Variants in ENTPD4 observed in about 807,000 individuals in gnomAD.
ENTPD4 encodes the protein Golgi UDPase.
ENTPD4 carries 60 observed loss-of-function variants against 79.1 expected under a neutral mutation model. That is an observed-to-expected ratio of 0.76 (90% CI 0.62 to 0.94). The LOEUF (loss-of-function observed/expected upper bound fraction) is 0.94. Among genes scored for constraint, ENTPD4 ranks in the 40% least tolerant of loss-of-function variants. The probability of loss-of-function intolerance (pLI) is 0.00; values close to 1 mark genes in which losing one functional copy is unlikely to be tolerated. For synonymous variants in ENTPD4, 276 were observed against 292.0 expected, an observed-to-expected ratio of 0.95 and a Z score of 0.56; for missense variants, 772 against 775.1, an observed-to-expected ratio of 1.00 and a Z score of 0.05.
intron 3 of ENTPD4, 36 bp from the exon 4 acceptor site, chr8:23,447,921 A>G: frequency 6.5e-7 from 1 of 1,547,080 alleles, no homozygotes; most frequent in South Asian, 1.1e-5. Flanking sequence ...TGATTTAGAC[A>G]AAGAATATCA....
At chr8:23,450,583 C>T (rs1188689654) in intron 1 of ENTPD4, among the ~76,000 whole-genome samples, 1 of 152,212 alleles carries the variant, frequency 6.6e-6, no homozygotes, top group East Asian at 1.9e-4. Context: ...GCTGCTTGAC[C>T]TCTCAAGACA....
At position 23,430,459 on chromosome 8, in the gene ENTPD4, T is replaced by C; in HGVS notation, c.*2467A>G. 3 of 985,490 alleles carry C rather than the reference T, an allele frequency of 3.0e-6. No homozygotes were observed. The highest frequency in any genetic ancestry group is 3.6e-6 in the Non-Finnish European group (3 of 829,942). 61.0% of individuals were successfully genotyped at this position (985,490 alleles called of 1,614,324 possible). On this transcript the variant is annotated 3_prime_UTR_variant, in exon 13 of 13. Transcript: ENST00000358689. ...CTACATTCCTGATTTAAGAGGATGC[T>C]TCTGTCTGTATCCTTTTTTGAACTG...
chr8:23,447,976 T>C, intron 3 of ENTPD4, 91 bp from the exon 4 acceptor site: 3 of 1,011,230 alleles, frequency 3.0e-6, no homozygotes, highest in Non-Finnish European at 4.7e-6. Flanking sequence ...AAGTCAGTAA[T>C]TTCTAAGCTA....
At chr8:23,442,202 G>C in intron 6 of ENTPD4, 136 bp from the exon 7 acceptor site, 2 of 603,248 alleles carry the variant, frequency 3.3e-6, no homozygotes, top group Non-Finnish European at 5.8e-6. Context: ...ATAACACCTT[G>C]CTACTGATGT....
chr8:23,447,124 T>C (rs374767716), intron 4 of ENTPD4, among the ~76,000 whole-genome samples: 2 of 152,182 alleles, frequency 1.3e-5, no homozygotes, highest in Admixed American at 6.5e-5. Context: ...CTGATGTAAA[T>C]TACCTAATAA....
chr8:23,445,818 G>T (rs915680266), intron 4 of ENTPD4, among the ~76,000 whole-genome samples: 2 of 152,166 alleles, frequency 1.3e-5, no homozygotes, highest in African/African-American at 4.8e-5. Context: ...CTAGCAAATG[G>T]CAGGTGCCCA....
At chr8:23,434,666 A>G (rs576537228) in intron 11 of ENTPD4, 188 bp from the exon 12 acceptor site, 3 of 1,424,690 alleles carry the variant, frequency 2.1e-6, no homozygotes, top group African/African-American at 1.4e-5. Flanking sequence ...TGGTCCCACA[A>G]CATGGAGCAG....
chr8:23,448,441 G>A (rs924962253), intron 3 of ENTPD4, among the ~76,000 whole-genome samples: 1 of 152,180 alleles, frequency 6.6e-6, no homozygotes, highest in African/African-American at 2.4e-5. Context: ...TTAGGAGGTG[G>A]GGCCTCAGGG....
chr8:23,439,930 A>C lies in ENTPD4; in HGVS notation c.883-15T>G. Reference sequence around the variant, plus strand: ...GCTACTTCTTCCTGCAGACATAAGCATAACAAACCTTAATAGCTTAAGCTA... The same window carrying C: ...GCTACTTCTTCCTGCAGACATAAGCCTAACAAACCTTAATAGCTTAAGCTA... On this transcript the variant is annotated splice_polypyrimidine_tract_variant and intron_variant, in intron 8 of 12. Transcript: ENST00000358689. 1 of 1,611,800 alleles carries C rather than the reference A, an allele frequency of 6.2e-7. No homozygotes were observed. The highest frequency in any genetic ancestry group is 8.5e-7 in the Non-Finnish European group (1 of 1,177,918).
At chr8:23,442,174 C>A in intron 6 of ENTPD4, 108 bp from the exon 7 acceptor site, 3 of 705,840 alleles carry the variant, frequency 4.3e-6, no homozygotes, top group Non-Finnish European at 7.2e-6. Context: ...TCCCTGATAA[C>A]CTGTAAAATC....
In ENTPD4 at chr8:23,430,212, T is replaced by C. The variant is rs2117267840; in HGVS notation, c.*2714A>G. On this transcript the variant is annotated 3_prime_UTR_variant, in exon 13 of 13. Transcript: ENST00000358689. Reference sequence around the variant, plus strand: ...CGCGAGACCTTCTCTGGAATGTGATTTGCTGCGACTGCAGACATCTCCATA... The same window carrying C: ...CGCGAGACCTTCTCTGGAATGTGATCTGCTGCGACTGCAGACATCTCCATA... 1 of 985,474 alleles carries C rather than the reference T, an allele frequency of 1.0e-6. No individual in the cohort carries two copies. The highest frequency in any genetic ancestry group is 1.7e-5 in the African/African-American group (1 of 57,374). 61.0% of individuals were successfully genotyped at this position (985,474 alleles called of 1,614,324 possible).
At position 23,434,329 on chromosome 8, in the gene ENTPD4, A is replaced by G; in HGVS notation, c.1610T>C (p.Phe537Ser). 6.2e-7 allele frequency: 1 copy of G among 1,614,094 alleles called. No homozygotes were observed. Among genetic ancestry groups the G allele is most frequent in the South Asian group, 1.1e-5 (1 of 91,090 alleles). Residue 537 changes from phenylalanine (F) to serine (S), a missense_variant, in exon 12 of 13, where the codon TTT becomes TCT. Physicochemically the swap from Phe to Ser is radical, Grantham distance 155. Coordinates refer to ENST00000358689, the MANE Select transcript of ENTPD4 (RefSeq NM_004901.5). ...TTCACAGCCCTACCTTAATGGTAGA[A>G]AGCGGGTCCTGTAGAGGATGGCTCC... ...TLGAILYRTR[F>S]LPLRDIQQEA...
Position 23,441,667 on chromosome 8 carries a change from C to A in ENTPD4, c.784G>T (p.Val262Phe), listed in dbSNP as rs1241977198. Residue 262 changes from valine (V) to phenylalanine (F), a missense_variant, in exon 8 of 13, where the codon GTC becomes TTC. Coordinates refer to ENST00000358689, the MANE Select transcript of ENTPD4 (RefSeq NM_004901.5). ...IPGSESSEAI[V>F]RKRTAGILDM... ...AGAATGCCCGCTGTCCTTTTACGGA[C>A]AATGGCTTCGCTGCTTTCACTTCCA... The A allele has an allele frequency of 6.2e-7, 1 of 1,614,052 alleles. No individual in the cohort carries two copies. Among genetic ancestry groups the A allele is most frequent in the Admixed American group, 1.7e-5 (1 of 60,010 alleles).
chr8:23,447,806 C>A lies in ENTPD4; in HGVS notation c.286G>T (p.Gly96Cys). The A allele has an allele frequency of 3.1e-6, 5 of 1,614,150 alleles. No individual in the cohort carries two copies. Among genetic ancestry groups the A allele is most frequent in the Non-Finnish European group, 4.2e-6 (5 of 1,179,990 alleles). ...ACAAATACTCGAGACCCACTGCTACCACAGTCCACCACGATCCCATAGTTC... is the reference window on the plus strand; with the variant it reads ...ACAAATACTCGAGACCCACTGCTACAACAGTCCACCACGATCCCATAGTTC... ...NVNYGIVVDCGSSGSRVFVYC... is the reference protein window; with the variant it reads ...NVNYGIVVDCCSSGSRVFVYC... Residue 96 changes from glycine (G) to cysteine (C), a missense_variant, in exon 4 of 13, where the codon GGT (glycine) becomes TGT (cysteine). By Grantham distance (159) the Gly-to-Cys change is radical. Coordinates refer to ENST00000358689, the MANE Select transcript of ENTPD4 (RefSeq NM_004901.5).
In ENTPD4 at chr8:23,441,611, C is replaced by T. The variant is rs368114543; in HGVS notation, c.840G>A (p.Ala280=). Residue 280 remains alanine (A), a synonymous_variant, in exon 8 of 13, where the codon GCG becomes GCA. Transcript: ENST00000358689. ...AGCTTACAGTTTTGGGGACTTCGTA[C>T]GCTATCTGAGTCGACACGCCGCCCA... is the stretch of plus-strand genomic sequence containing the variant. The part of the protein sequence containing the change: ...LDMGGVSTQI[A]YEVPKTVSFA... 19 of 1,614,216 alleles carry T rather than the reference C, an allele frequency of 1.2e-5. 1 individual carries two copies. In the South Asian group the frequency reaches 1.3e-4, roughly 11 times the overall value.
intron 4 of ENTPD4, 133 bp from the exon 5 acceptor site, chr8:23,444,739 ACTT>A (rs1213380381): frequency 2.3e-5 from 17 of 728,778 alleles, no homozygotes; most frequent in Middle Eastern, 7.7e-4. Context: ...CCTTCTAGCA[ACTT>A]CTTCTGCAGA....
rs1554488211 is a variant in ENTPD4 at position 23,432,504 on chromosome 8, A to AC, written c.*421_*422insG. Reference sequence around the variant, plus strand: ...AGACAGCAGGGCTTATAAACAATGCATTTTTTTTTTTTGAGACGGAGTCTC... The same window carrying AC: ...AGACAGCAGGGCTTATAAACAATGCACTTTTTTTTTTTTGAGACGGAGTCTC... On this transcript the variant is annotated 3_prime_UTR_variant, in exon 13 of 13. Coordinates refer to ENST00000358689, the MANE Select transcript of ENTPD4 (RefSeq NM_004901.5). The AC allele has an allele frequency of 2.2e-6, 2 of 912,376 alleles. No homozygotes were observed. Among genetic ancestry groups the AC allele is most frequent in the Non-Finnish European group, 2.6e-6 (2 of 764,686 alleles). The allele number at this position is 912,376 out of a possible 1,614,324, so 56.5% of individuals were successfully genotyped here.
Position 23,447,853 on chromosome 8 carries a change from G to A in ENTPD4, c.239C>T (p.Thr80Ile), listed in dbSNP as rs771341614. 3 of 1,614,180 alleles carry A rather than the reference G, an allele frequency of 1.9e-6. No individual in the cohort carries two copies. The South Asian group carries it at 3.3e-5, about 18-fold the overall frequency. Residue 80 changes from threonine (T) to isoleucine (I), a missense_variant, in exon 4 of 13, where the codon ACA becomes ATA. Coordinates refer to ENST00000358689, the MANE Select transcript of ENTPD4 (RefSeq NM_004901.5). Reference sequence around the variant, plus strand: ...GTTCACATTGGGGTTATTGGTGTCTGTAGCTTCAATGTCGGTAACTCGTGC... The same window carrying A: ...GTTCACATTGGGGTTATTGGTGTCTATAGCTTCAATGTCGGTAACTCGTGC... Reference protein sequence around the residue: ...YLARVTDIEATDTNNPNVNYG... With the variant: ...YLARVTDIEAIDTNNPNVNYG...
rs1563226117 is a variant in ENTPD4 at position 23,444,557 on chromosome 8, A to C, written c.462T>G (p.Ser154=). The C allele has an allele frequency of 4.3e-6, 7 of 1,614,196 alleles. No individual in the cohort carries two copies. The highest frequency in any genetic ancestry group is 2.5e-6 in the Non-Finnish European group (3 of 1,179,986). The change falls in exon 5 of 13, where the codon TCT becomes TCG. Residue 154 remains serine (S), a synonymous_variant. Coordinates refer to ENST00000358689, the MANE Select transcript of ENTPD4 (RefSeq NM_004901.5). ...TSPEKVSDYI[S]PLLNFAAEHV... ...GCTCTGCAGCAAAGTTCAAAAGTGGAGAAATGTAATCACTGACTTTCTCTG... is the reference window on the plus strand; with the variant it reads ...GCTCTGCAGCAAAGTTCAAAAGTGGCGAAATGTAATCACTGACTTTCTCTG...
Sources: allele counts gnomAD v4.1 joint callset (sites outside exome capture counted in the v4.1 genomes callset), GRCh38; gene constraint gnomAD v4.1.1; transcripts MANE v1.5; gene names NCBI Gene and HGNC (gene_info 2026-07-23, HGNC 2026-07-21).